Variants in ARHGAP24 observed in about 807,000 individuals in gnomAD.
ARHGAP24 encodes the protein rho GTPase-activating protein 24.
A neutral mutation model predicts 76.4 loss-of-function variants in ARHGAP24; 50 were observed. That is an observed-to-expected ratio of 0.65 (90% CI 0.52 to 0.83). The LOEUF is 0.83. Among genes scored for constraint, ARHGAP24 ranks in the 40% least tolerant of loss-of-function variants. The pLI is 0.00. For synonymous variants in ARHGAP24, 345 were observed against 323.3 expected, an observed-to-expected ratio of 1.07 and a Z score of -0.72; for missense variants, 930 against 914.2, an observed-to-expected ratio of 1.02 and a Z score of -0.22.
At chr4:85,888,415 A>AG (rs1412063055) in intron 3 of ARHGAP24, among the ~76,000 whole-genome samples, 10 of 151,196 alleles carry the variant, frequency 6.6e-5, no homozygotes, top group South Asian at 2.1e-4. Flanking sequence ...AAAAAAAAAA[A>AG]AAAGAAAGAA....
chr4:85,546,381 G>T (rs1725922997), intron 1 of ARHGAP24, among the ~76,000 whole-genome samples: 1 of 151,812 alleles, frequency 6.6e-6, no homozygotes, highest in Admixed American at 6.6e-5. Flanking sequence ...AGAGAATTGA[G>T]AATAGAAAAA....
At chr4:85,828,604 A>G (rs1436614528) in intron 3 of ARHGAP24, among the ~76,000 whole-genome samples, 1 of 152,070 alleles carries the variant, frequency 6.6e-6, no homozygotes, top group Admixed American at 6.6e-5. Flanking sequence ...CAACCTATAA[A>G]GCTTTTGTTA....
intron 3 of ARHGAP24, among the ~76,000 whole-genome samples, chr4:85,799,836 C>A (rs1376245014): frequency 1.3e-5 from 2 of 152,162 alleles, no homozygotes; most frequent in Non-Finnish European, 2.9e-5. Context: ...GTCACATCCT[C>A]TCTGTGTCAT....
chr4:85,557,706 G>A (rs1037566974), intron 1 of ARHGAP24, among the ~76,000 whole-genome samples: 4 of 152,148 alleles, frequency 2.6e-5, no homozygotes, highest in African/African-American at 7.2e-5. Flanking sequence ...ACTGGCTGCT[G>A]CTAGTCAGCC....
At chr4:85,653,481 T>G (rs969767093) in intron 2 of ARHGAP24, among the ~76,000 whole-genome samples, 6 of 151,834 alleles carry the variant, frequency 4.0e-5, no homozygotes, top group African/African-American at 1.2e-4. Context: ...TTTAATTAAT[T>G]TATTTATTTT....
chr4:85,504,595 T>C (rs1304679002), intron 1 of ARHGAP24, among the ~76,000 whole-genome samples: 1 of 152,208 alleles, frequency 6.6e-6, no homozygotes, highest in Non-Finnish European at 1.5e-5. Context: ...CATCCCTTTA[T>C]TTTGAGCCTA....
At chr4:85,888,660 G>C in intron 3 of ARHGAP24, among the ~76,000 whole-genome samples, 1 of 151,898 alleles carries the variant, frequency 6.6e-6, no homozygotes, top group East Asian at 1.9e-4. Context: ...TACATGTGCA[G>C]GTTTGTTAAC....
chr4:85,814,272 C>T (rs1321669228), intron 3 of ARHGAP24, among the ~76,000 whole-genome samples: 2 of 152,196 alleles, frequency 1.3e-5, no homozygotes, highest in Non-Finnish European at 2.9e-5. Flanking sequence ...CAAAACCAAT[C>T]ATGCTTTTCC....
chr4:85,866,935 G>A (rs1254682093), intron 3 of ARHGAP24, among the ~76,000 whole-genome samples: 3 of 152,020 alleles, frequency 2.0e-5, no homozygotes, highest in African/African-American at 7.2e-5. Flanking sequence ...CCATGCTTTT[G>A]TGGAAAGTCT....
chr4:85,960,256 G>A (rs542287222), intron 5 of ARHGAP24, among the ~76,000 whole-genome samples: 25 of 152,148 alleles, frequency 1.6e-4, no homozygotes, highest in East Asian at 5.8e-4. Context: ...TTTAGAAGGC[G>A]GTTTTAAAAT....
At chr4:85,924,556 G>A (rs1735910169) in intron 4 of ARHGAP24, 1 of 151,716 alleles carries the variant, frequency 6.6e-6, no homozygotes, top group Non-Finnish European at 1.5e-5. Flanking sequence ...AATTGTGTTA[G>A]GTCAAATTCA....
intron 3 of ARHGAP24, among the ~76,000 whole-genome samples, chr4:85,737,118 T>TTTTGTTTG (rs72444083): frequency 1.3e-5 from 2 of 151,612 alleles, no homozygotes; most frequent in African/African-American, 4.8e-5. Context: ...AAAATAATGG[T>TTTTGTTTG]TTTGTTTGTT....
chr4:85,671,570 A>T (rs57323910), intron 2 of ARHGAP24, among the ~76,000 whole-genome samples: 2 of 152,164 alleles, frequency 1.3e-5, no homozygotes, highest in Non-Finnish European at 2.9e-5. Context: ...ATATAAAGAG[A>T]GGTTTTAGCT....
At chr4:85,685,999 G>A (rs369141463) in intron 2 of ARHGAP24, among the ~76,000 whole-genome samples, 3 of 151,440 alleles carry the variant, frequency 2.0e-5, no homozygotes, top group African/African-American at 7.4e-5. Context: ...TGGCACTTTG[G>A]TGCAGGCAGC....
intron 3 of ARHGAP24, among the ~76,000 whole-genome samples, chr4:85,729,793 T>C (rs1288739612): frequency 6.6e-6 from 1 of 152,228 alleles, no homozygotes; most frequent in Non-Finnish European, 1.5e-5. Context: ...TATATACTTC[T>C]CAAATATCAG....
chr4:85,675,750 G>T (rs1176742165), intron 2 of ARHGAP24, among the ~76,000 whole-genome samples: 1 of 152,182 alleles, frequency 6.6e-6, no homozygotes, highest in Non-Finnish European at 1.5e-5. Flanking sequence ...GCTTCAGTTG[G>T]CTTGTAGCTC....
chr4:85,813,434 T>C (rs1339209474), intron 3 of ARHGAP24, among the ~76,000 whole-genome samples: 1 of 152,138 alleles, frequency 6.6e-6, no homozygotes, highest in African/African-American at 2.4e-5. Flanking sequence ...CTCATTGTGT[T>C]TTTTAGGCCT....
intron 2 of ARHGAP24, among the ~76,000 whole-genome samples, chr4:85,702,942 T>C (rs1335121813): frequency 6.6e-6 from 1 of 151,590 alleles, no homozygotes; most frequent in African/African-American, 2.4e-5. Context: ...CCAGCTGTGA[T>C]GGACAGAGAA....
intron 9 of ARHGAP24, chr4:86,000,080 C>CTTTT (rs35831725): frequency 0.012 from 1,669 of 143,458 alleles, 49 homozygotes; most frequent in African/African-American, 0.041. Context: ...TTATTGCCCT[C>CTTTT]TTTTTTTTTT....
Sources: allele counts gnomAD v4.1 joint callset (sites outside exome capture counted in the v4.1 genomes callset), GRCh38; gene constraint gnomAD v4.1.1; transcripts MANE v1.5; gene names NCBI Gene and HGNC (gene_info 2026-07-23, HGNC 2026-07-21).